KCNIP4: variants seen among roughly 807,000 people sequenced by gnomAD.
The protein encoded by KCNIP4 is Kv channel-interacting protein 4.
A neutral mutation model predicts 34.0 loss-of-function variants in KCNIP4; 12 were observed. The ratio of observed to expected loss-of-function variants is 0.35; its 90% CI spans 0.23 to 0.57. The LOEUF is 0.57. Among genes scored for constraint, KCNIP4 ranks in the 20% least tolerant of loss-of-function variants. The pLI is 0.83. For synonymous variants in KCNIP4, 124 were observed against 102.2 expected (o/e 1.21, Z -1.29); for missense variants, 238 against 311.7 (o/e 0.76, Z 1.78).
chr4:21,433,293 T>C (rs552008484), intron 1 of KCNIP4, among the ~76,000 whole-genome samples: 1 of 152,210 alleles, frequency 6.6e-6, no homozygotes, highest in South Asian at 2.1e-4. Flanking sequence ...GTCTATTCAG[T>C]CTGAGCCCAA....
intron 1 of KCNIP4, among the ~76,000 whole-genome samples, chr4:21,147,956 A>AAAAAAAAAAAAAAAAG (rs1553945843): frequency 1.4e-4 from 18 of 128,380 alleles, no homozygotes; most frequent in African/African-American, 1.8e-4. Context: ...AAAAAAAAAA[A>AAAAAAAAAAAAAAAAG]AAAAGAAAAA....
chr4:21,807,745 C>A (rs528577147), intron 1 of KCNIP4, among the ~76,000 whole-genome samples: 2 of 152,282 alleles, frequency 1.3e-5, no homozygotes, highest in Admixed American at 6.5e-5. Context: ...GACAAAATTT[C>A]TGACCTATCT....
chr4:21,311,757 T>C, intron 1 of KCNIP4, among the ~76,000 whole-genome samples: 1 of 152,188 alleles, frequency 6.6e-6, no homozygotes, highest in East Asian at 1.9e-4. Context: ...AGGACATCTT[T>C]GTCACCTTCC....
intron 2 of KCNIP4, among the ~76,000 whole-genome samples, chr4:20,878,473 C>T (rs1724307871): frequency 6.6e-6 from 1 of 152,114 alleles, no homozygotes; most frequent in Admixed American, 6.5e-5. Flanking sequence ...GCATATATTC[C>T]CTTTCCATCA....
At chr4:21,889,386 AC>A (rs776255234) in intron 1 of KCNIP4, among the ~76,000 whole-genome samples, 34 of 151,716 alleles carry the variant, frequency 2.2e-4, no homozygotes, top group Non-Finnish European at 3.8e-4. Context: ...TGAAAAAAAA[AC>A]ATCTAAATTC....
At position 21,883,791 on chromosome 4, in the gene KCNIP4, G is replaced by A. The variant is rs926987402; in HGVS notation, c.61+64780C>T. The stretch of plus-strand genomic sequence containing the variant: ...TTACATTTGTGACTAACAAATTCCT[G>A]GCCTATAGCAATCACTCAATAGCTT... On this transcript the variant is annotated intron_variant, in intron 1 of 8. Coordinates refer to ENST00000382152, the MANE Select transcript of KCNIP4 (RefSeq NM_025221.6). Among the ~76,000 whole-genome samples the A allele has an allele frequency of 5.3e-5, 8 of 152,106 alleles. No individual in the cohort carries two copies. The East Asian group carries it at 1.5e-3, about 29-fold the overall frequency.
chr4:21,651,952 A>G (rs1747515457), intron 1 of KCNIP4, among the ~76,000 whole-genome samples: 1 of 152,210 alleles, frequency 6.6e-6, no homozygotes, highest in African/African-American at 2.4e-5. Context: ...AGTAGTTTGT[A>G]TATAATACAA....
intron 1 of KCNIP4, among the ~76,000 whole-genome samples, chr4:21,936,843 G>C (rs527963005): frequency 6.6e-6 from 1 of 152,042 alleles, no homozygotes; most frequent in South Asian, 2.1e-4. Flanking sequence ...CCTTCTACAT[G>C]CCAGTCACTG....
chr4:21,116,383 C>T (rs962128187), intron 1 of KCNIP4, among the ~76,000 whole-genome samples: 1 of 152,192 alleles, frequency 6.6e-6, no homozygotes, highest in African/African-American at 2.4e-5. Flanking sequence ...CATTCATCCA[C>T]TCATTTATCC....
At chr4:21,391,905 C>T (rs1194172602) in intron 1 of KCNIP4, among the ~76,000 whole-genome samples, 9 of 152,094 alleles carry the variant, frequency 5.9e-5, no homozygotes, top group Admixed American at 2.0e-4. Flanking sequence ...GGACATAGTC[C>T]GGTCCCTGAC....
At chr4:20,789,525 G>C (rs1712451678) in intron 3 of KCNIP4, among the ~76,000 whole-genome samples, 1 of 152,026 alleles carries the variant, frequency 6.6e-6, no homozygotes, top group Admixed American at 6.6e-5. Context: ...TCTCCTTCCT[G>C]AATCTATGCC....
At position 21,896,940 on chromosome 4, in the gene KCNIP4, TAAATAAATAAATAAATA is replaced by T. The variant is rs1560795428; in HGVS notation, c.61+51614_61+51630del. On this transcript the variant is annotated intron_variant, in intron 1 of 8. Coordinates refer to ENST00000382152, the MANE Select transcript of KCNIP4 (RefSeq NM_025221.6). ...AAAAAATACATAAATAAATAATAAA[TAAATAAATAAATAAATA>T]AATAAATAAATAAATATTTTAATCA... is the stretch of plus-strand genomic sequence containing the variant. Among the ~76,000 whole-genome samples the T allele has an allele frequency of 1.5e-3, 15 of 9,994 alleles. No homozygotes were observed. The East Asian group carries it at 0.11, about 76-fold the overall frequency. 6.6% of individuals were successfully genotyped at this position (9,994 alleles called of 152,430 possible).
At chr4:21,787,529 A>G (rs1719993406) in intron 1 of KCNIP4, among the ~76,000 whole-genome samples, 1 of 152,186 alleles carries the variant, frequency 6.6e-6, no homozygotes, top group African/African-American at 2.4e-5. Flanking sequence ...CAACAACCCC[A>G]TGAAGAAGTT....
At chr4:20,777,083 A>G (rs1756439863) in intron 3 of KCNIP4, among the ~76,000 whole-genome samples, 1 of 152,206 alleles carries the variant, frequency 6.6e-6, no homozygotes, top group Non-Finnish European at 1.5e-5. Context: ...AGGCTGCTAT[A>G]AAGAACTGTT....
chr4:21,527,581 A>G (rs1258346627), intron 1 of KCNIP4, among the ~76,000 whole-genome samples: 2 of 152,168 alleles, frequency 1.3e-5, no homozygotes, highest in Non-Finnish European at 2.9e-5. Flanking sequence ...TGATGGATGT[A>G]AAGAGCCTAC....
Position 21,854,671 on chromosome 4 carries a change from T to A in KCNIP4, c.61+93900A>T, listed in dbSNP as rs1724638534. On this transcript the variant is annotated intron_variant, in intron 1 of 8. Transcript: ENST00000382152. ...TTTGCTCTTTGAGAAATACCAGTCA[T>A]CTCTAATGTTTGCTAGAATTGACTC... 2.6e-5 allele frequency among the ~76,000 whole-genome samples: 4 copies of A among 152,248 alleles called. No individual in the cohort carries two copies. The South Asian group carries it at 6.2e-4, about 24-fold the overall frequency.
chr4:20,944,969 T>A (rs534998273), intron 1 of KCNIP4, among the ~76,000 whole-genome samples: 1 of 152,186 alleles, frequency 6.6e-6, no homozygotes, highest in Admixed American at 6.5e-5. Context: ...AAAATAAGAA[T>A]GTACCTGGGA....
intron 4 of KCNIP4, among the ~76,000 whole-genome samples, chr4:20,751,371 C>G (rs1753595575): frequency 6.6e-6 from 1 of 152,058 alleles, no homozygotes; most frequent in African/African-American, 2.4e-5. Flanking sequence ...AAACTTAGTT[C>G]TGTTGTTGGG....
rs1560655293 is a variant in KCNIP4, at chr4:21,714,785, G to GATTTTT, written c.61+233785_61+233786insAAAAAT. Among the ~76,000 whole-genome samples, 7 of 43,388 alleles carry GATTTTT rather than the reference G, an allele frequency of 1.6e-4. 2 individuals are homozygous for GATTTTT. Among genetic ancestry groups the GATTTTT allele is most frequent in the African/African-American group, 4.0e-4 (2 of 5,002 alleles). The allele number at this position is 43,388 out of a possible 152,430, so 28.5% of individuals were successfully genotyped here. On this transcript the variant is annotated intron_variant, in intron 1 of 8. Coordinates refer to ENST00000382152, the MANE Select transcript of KCNIP4 (RefSeq NM_025221.6). ...AAGAATGTGTTAGTAATTTCCCTTT[G>GATTTTT]ATTATTTTATTTTATTTTATTTTAT... is the stretch of plus-strand genomic sequence containing the variant.
Sources: allele counts gnomAD v4.1 joint callset (sites outside exome capture counted in the v4.1 genomes callset), GRCh38; gene constraint gnomAD v4.1.1; transcripts MANE v1.5; gene names NCBI Gene and HGNC (gene_info 2026-07-23, HGNC 2026-07-21).